BMPER: variants seen among roughly 807,000 people sequenced by gnomAD.
BMPER encodes the protein BMP-binding endothelial regulator protein.
Under a neutral mutation model 87.3 loss-of-function variants are expected in BMPER, and 45 were observed. The observed-to-expected ratio is 0.52, with a 90% CI of 0.41 to 0.66. The LOEUF (loss-of-function observed/expected upper bound fraction) is 0.66. BMPER is among the 30% of genes least tolerant of loss of function. BMPER has a pLI of 0.00. For synonymous variants in BMPER, 326 were observed against 316.2 expected (o/e 1.03, Z -0.33); for missense variants, 784 against 867.5 (o/e 0.90, Z 1.21).
chr7:34,126,066 A>G (rs1292237179), intron 13 of BMPER, among the ~76,000 whole-genome samples: 1 of 151,864 alleles, frequency 6.6e-6, no homozygotes. Context: ...AACCAAATAA[A>G]CAAAATAATT....
chr7:34,077,339 G>A lies in BMPER; in HGVS notation c.1079-1518G>A, dbSNP rs188335989. Among the ~76,000 whole-genome samples, 467 of 152,254 alleles carry A rather than the reference G, an allele frequency of 3.1e-3. 2 individuals are homozygous for A. The highest frequency in any genetic ancestry group is 2.9e-3 in the Admixed American group (44 of 15,292). The stretch of plus-strand genomic sequence containing the variant: ...AGGGTGAAATGTGAAGCAACACACC[G>A]TGTAAAATTGGAGTCAGAAGGAAAA... On this transcript the variant is annotated intron_variant, in intron 11 of 14. Coordinates refer to ENST00000649409, the MANE Select transcript of BMPER (RefSeq NM_001365308.1).
chr7:34,002,889 C>A (rs1786619926), intron 6 of BMPER, among the ~76,000 whole-genome samples: 1 of 151,404 alleles, frequency 6.6e-6, no homozygotes, highest in Non-Finnish European at 1.5e-5. Context: ...TTTCAACTTA[C>A]TTGTTTCTTT....
chr7:33,933,396 G>T (rs1443700914), intron 2 of BMPER, among the ~76,000 whole-genome samples: 1 of 150,838 alleles, frequency 6.6e-6, no homozygotes. Flanking sequence ...GGGAGACTAA[G>T]AATGAAAGAT....
chr7:34,046,255 C>G (rs984621561), intron 6 of BMPER, 51 bp from the exon 7 acceptor site: 4 of 1,546,656 alleles, frequency 2.6e-6, no homozygotes. Flanking sequence ...GTTGTACAAT[C>G]TACATGCACT....
At chr7:34,030,042 A>C (rs186523409) in intron 6 of BMPER, among the ~76,000 whole-genome samples, 1 of 152,102 alleles carries the variant, frequency 6.6e-6, no homozygotes, top group African/African-American at 2.4e-5. Flanking sequence ...ATTCAATTCA[A>C]TTCTGAGCAG....
intron 6 of BMPER, among the ~76,000 whole-genome samples, chr7:33,976,062 T>C (rs1300045428): frequency 6.6e-6 from 1 of 152,128 alleles, no homozygotes; most frequent in African/African-American, 2.4e-5. Context: ...CACAAAGTAA[T>C]GTACTCATGA....
At chr7:34,148,863 A>G (rs1323869155) in intron 14 of BMPER, among the ~76,000 whole-genome samples, 5 of 152,218 alleles carry the variant, frequency 3.3e-5, no homozygotes, top group Admixed American at 1.3e-4. Context: ...ACTACCAGGA[A>G]TCCTTGCAAG....
chr7:34,029,903 T>G (rs1787478111), intron 6 of BMPER, among the ~76,000 whole-genome samples: 1 of 152,098 alleles, frequency 6.6e-6, no homozygotes, highest in Admixed American at 6.6e-5. Flanking sequence ...TATACTATGG[T>G]TATTTATAAA....
At chr7:33,933,339 G>A (rs1784524812) in intron 2 of BMPER, among the ~76,000 whole-genome samples, 1 of 151,980 alleles carries the variant, frequency 6.6e-6, no homozygotes, top group African/African-American at 2.4e-5. Flanking sequence ...AGACGCCTTT[G>A]ACAGCAGGTA....
At chr7:34,048,842 CAA>C (rs368084763) in intron 7 of BMPER, among the ~76,000 whole-genome samples, 274 of 152,302 alleles carry the variant, frequency 1.8e-3, no homozygotes, top group African/African-American at 6.4e-3. Flanking sequence ...AGGCTGTACA[CAA>C]AGTCTCTGAA....
intron 12 of BMPER, among the ~76,000 whole-genome samples, chr7:34,081,184 A>G (rs1034641026): frequency 1.3e-5 from 2 of 152,304 alleles, no homozygotes; most frequent in African/African-American, 4.8e-5. Context: ...TTTCCAGACA[A>G]TGGTGTTTTC....
In BMPER at chr7:33,935,229, A is replaced by G. The variant is rs758843095; in HGVS notation, c.220-2060A>G. ...AAGGAGTTCTGGGGAGCGTGGAGCC[A>G]GTATGCTTGGCTTCAGATTGTAGGT... On this transcript the variant is annotated intron_variant, in intron 2 of 14. Coordinates refer to ENST00000649409, the MANE Select transcript of BMPER (RefSeq NM_001365308.1). 1.2e-3 allele frequency among the ~76,000 whole-genome samples: 185 copies of G among 152,282 alleles called. 1 individual carries two copies. The Middle Eastern group carries it at 0.017, about 14-fold the overall frequency.
intron 13 of BMPER, among the ~76,000 whole-genome samples, chr7:34,095,716 T>C (rs942113756): frequency 3.3e-5 from 5 of 149,896 alleles, no homozygotes; most frequent in African/African-American, 1.2e-4. Flanking sequence ...GACCCATTTC[T>C]ATCCAATATA....
intron 12 of BMPER, among the ~76,000 whole-genome samples, chr7:34,080,107 A>G (rs528320131): frequency 2.0e-5 from 3 of 152,114 alleles, no homozygotes; most frequent in South Asian, 4.2e-4. Flanking sequence ...GGCATACTCT[A>G]TTTTTTTAAA....
chr7:34,090,455 A>G (rs189300866), intron 13 of BMPER, among the ~76,000 whole-genome samples: 278 of 152,204 alleles, frequency 1.8e-3, no homozygotes, highest in African/African-American at 6.2e-3. Flanking sequence ...TCCAAGAGGA[A>G]TAGGCAAACT....
chr7:34,076,583 T>TTACAA, intron 11 of BMPER, among the ~76,000 whole-genome samples: 1 of 152,356 alleles, frequency 6.6e-6, no homozygotes. Flanking sequence ...TTATGGATTG[T>TTACAA]ATTACAAAGT....
chr7:34,138,274 G>A (rs1428112030), intron 13 of BMPER, among the ~76,000 whole-genome samples: 5 of 152,160 alleles, frequency 3.3e-5, no homozygotes, highest in African/African-American at 1.2e-4. Context: ...TGTTTAATTG[G>A]ATTTCAGGGA....
intron 2 of BMPER, among the ~76,000 whole-genome samples, chr7:33,925,685 C>G (rs183526992): frequency 4.2e-4 from 64 of 152,198 alleles, no homozygotes; most frequent in African/African-American, 1.5e-3. Flanking sequence ...GATAAGCACC[C>G]CTTATTTTCC....
At chr7:33,945,984 C>T (rs140738347) in intron 3 of BMPER, among the ~76,000 whole-genome samples, 17 of 152,188 alleles carry the variant, frequency 1.1e-4, no homozygotes, top group African/African-American at 4.1e-4. Flanking sequence ...TGCCTGAGTG[C>T]AGGGGGAAGG....
Sources: gnomAD v4.1 joint callset for allele counts (sites outside exome capture counted in the v4.1 genomes callset) on GRCh38, gnomAD v4.1.1 for gene constraint, MANE v1.5 for transcripts, NCBI Gene and HGNC (gene_info 2026-07-23, HGNC 2026-07-21) for gene names.